Variants in GUSB observed in about 807,000 individuals in gnomAD.
The protein encoded by GUSB is glucuronidase beta.
Under a neutral mutation model 74.6 loss-of-function variants are expected in GUSB, and 51 were observed. The observed-to-expected ratio is 0.68, with a 90% CI of 0.55 to 0.86. The LOEUF (loss-of-function observed/expected upper bound fraction) is 0.86, where lower values mean the gene tolerates loss of function less well. GUSB is among the 40% of genes least tolerant of loss of function. The pLI is 0.00. For synonymous variants in GUSB, 360 were observed against 348.3 expected (o/e 1.03, Z -0.37); for missense variants, 736 against 853.7 (o/e 0.86, Z 1.72).
At chr7:65,961,916 C>T (rs181191704) in intron 11 of GUSB, among the ~76,000 whole-genome samples, 2 of 151,828 alleles carry the variant, frequency 1.3e-5, no homozygotes, top group Admixed American at 6.6e-5. Context: ...GCAGGAGAAT[C>T]GCTTGAACCC....
At position 65,974,987 on chromosome 7, in the gene GUSB, T is replaced by A; in HGVS notation, c.997A>T (p.Lys333Ter). Residue 333 changes from lysine to a stop codon, truncating the protein, a stop_gained, in exon 6 of 12, where the codon AAG becomes TAG. Transcript: ENST00000304895. LOFTEE classifies it high-confidence loss of function. ...TTCCCATTGATGAGGAACTGGCTCT[T>A]GGTGACAGCCACAGTGCGGATCCCC... is the stretch of plus-strand genomic sequence containing the variant. ...PVGIRTVAVT[K>*]SQFLINGKPF... The A allele has an allele frequency of 6.2e-7, 1 of 1,613,522 alleles. No homozygotes were observed. The highest frequency in any genetic ancestry group is 8.5e-7 in the Non-Finnish European group (1 of 1,179,492).
rs1250664552 is a variant in GUSB, at chr7:65,979,758, C to G, written c.550G>C (p.Gly184Arg). The part of the protein sequence containing the change: ...NTLTPTTLPP[G>R]TIQYLTDTSK... Reference sequence around the variant, plus strand: ...GTGTCAGTCAGGTATTGGATGGTCCCTGGTGGCAGGGTGGTGGGGGTGAGT... The same window carrying G: ...GTGTCAGTCAGGTATTGGATGGTCCGTGGTGGCAGGGTGGTGGGGGTGAGT... Residue 184 changes from glycine to arginine, a missense_variant, in exon 3 of 12, where the codon GGG (glycine) becomes CGG (arginine). Around this residue, in one of 2 missense-constraint regions of GUSB, gnomAD observed 368 missense variants for 363.8 expected, o/e 1.01. Coordinates refer to ENST00000304895, the MANE Select transcript of GUSB (RefSeq NM_000181.4). 1 of 1,613,836 alleles carries G rather than the reference C, an allele frequency of 6.2e-7. No individual in the cohort carries two copies. The highest frequency in any genetic ancestry group is 8.5e-7 in the Non-Finnish European group (1 of 1,180,012).
chr7:65,981,765 T>C, intron 1 of GUSB: 1 of 540,362 alleles, frequency 1.9e-6, no homozygotes, highest in Admixed American at 3.3e-5. Flanking sequence ...GGCAAGAGCC[T>C]TTTCTCCTCC....
intron 1 of GUSB, 30 bp downstream of exon 1, chr7:65,981,944 G>T: frequency 1.3e-6 from 2 of 1,576,284 alleles, no homozygotes. Flanking sequence ...GGGCTTTCGG[G>T]CGCCTCCCGG....
chr7:65,981,082 C>T (rs1454730448), intron 1 of GUSB, among the ~76,000 whole-genome samples: 1 of 152,116 alleles, frequency 6.6e-6, no homozygotes, highest in East Asian at 1.9e-4. Flanking sequence ...GCAGTGCATG[C>T]CGCTGTGGCC....
At chr7:65,966,389 G>A (rs777032710) in intron 10 of GUSB, among the ~76,000 whole-genome samples, 12 of 152,006 alleles carry the variant, frequency 7.9e-5, no homozygotes, top group Non-Finnish European at 1.3e-4. Context: ...GCTGGCTGGG[G>A]TGGGAATGAG....
rs747403896 is a variant in GUSB, at chr7:65,979,499, A to G, written c.624T>C (p.Phe208=). 1.2e-6 allele frequency: 2 copies of G among 1,614,106 alleles called. No homozygotes were observed. Among genetic ancestry groups the G allele is most frequent in the Non-Finnish European group, 1.7e-6 (2 of 1,179,978 alleles). ...ACCGCTGCAGTCCAGCGTAGTTGAA[A>G]AAGTCAAAATATGTGTTCTGGACAA... ...GYFVQNTYFD[F]FNYAGLQRSV... The change falls in exon 4 of 12, where the codon TTT becomes TTC. Residue 208 remains phenylalanine, a synonymous_variant. Transcript: ENST00000304895.
At chr7:65,961,167 T>G in intron 11 of GUSB, 104 bp from the exon 12 acceptor site, 1 of 1,127,818 alleles carries the variant, frequency 8.9e-7, no homozygotes, top group Non-Finnish European at 1.3e-6. Context: ...AATGTCTTTT[T>G]TTTTCTTTTT....
chr7:65,980,118 C>T, intron 2 of GUSB, 106 bp downstream of exon 2: 4 of 1,195,782 alleles, frequency 3.3e-6, no homozygotes, highest in Middle Eastern at 2.7e-4. Context: ...GCAGGACCCC[C>T]CACCATCCCA....
In GUSB at chr7:65,974,561, G is replaced by T; in HGVS notation, c.1209C>A (p.Val403=). 6.2e-7 allele frequency: 1 copy of T among 1,614,192 alleles called. No homozygotes were observed. The highest frequency in any genetic ancestry group is 1.1e-5 in the South Asian group (1 of 91,072). The part of the protein sequence containing the change: ...MQMCDRYGIV[V]IDECPGVGLA... ...GGCCCACGCCGGGACACTCATCGATGACCACAATCCCATAGCGGTCACACA... is the reference window on the plus strand; with the variant it reads ...GGCCCACGCCGGGACACTCATCGATTACCACAATCCCATAGCGGTCACACA... The change falls in exon 7 of 12, where the codon GTC becomes GTA. Residue 403 remains valine (V), a synonymous_variant. Transcript: ENST00000304895.
In GUSB at chr7:65,980,270, G is replaced by C; in HGVS notation, c.350C>G (p.Thr117Arg). Reference sequence around the variant, plus strand: ...ACTGCCAATCCTCAGCACCACTCTTGTGCGCAGGTCCTGGGTCCATCGCTC... The same window carrying C: ...ACTGCCAATCCTCAGCACCACTCTTCTGCGCAGGTCCTGGGTCCATCGCTC... ...LPERWTQDLRTRVVLRIGSAH... is the reference protein window; with the variant it reads ...LPERWTQDLRRRVVLRIGSAH... The change falls in exon 2 of 12, where the codon ACA becomes AGA. Residue 117 changes from threonine (T) to arginine (R), a missense_variant. Thr to Arg is a moderately conservative substitution (Grantham distance 71). Around this residue, in one of 2 missense-constraint regions of GUSB, gnomAD observed 368 missense variants for 363.8 expected, o/e 1.01. Coordinates refer to ENST00000304895, the MANE Select transcript of GUSB (RefSeq NM_000181.4). The C allele has an allele frequency of 1.3e-6, 2 of 1,550,478 alleles. No homozygotes were observed. Among genetic ancestry groups the C allele is most frequent in the Non-Finnish European group, 1.7e-6 (2 of 1,145,112 alleles).
chr7:65,961,103 C>T, intron 11 of GUSB, 40 bp from the exon 12 acceptor site: 1 of 1,580,870 alleles, frequency 6.3e-7, no homozygotes, highest in East Asian at 2.2e-5. Flanking sequence ...ATTCAGATGT[C>T]TTCTGATGGG....
rs1791478840 is a variant in GUSB, at chr7:65,975,074, A to G, written c.913-3T>C. ...GACGTCTGTGCAGTCAGCTGCACCT[A>G]TGACAGCCAAAGCACCAGGTGTGAG... On this transcript the variant is annotated splice_region_variant and splice_polypyrimidine_tract_variant and intron_variant, in intron 5 of 11. Transcript: ENST00000304895. 6.2e-7 allele frequency: 1 copy of G among 1,612,952 alleles called. No individual in the cohort carries two copies. Among genetic ancestry groups the G allele is most frequent in the Admixed American group, 1.7e-5 (1 of 59,986 alleles).
At chr7:65,975,185 G>T in intron 5 of GUSB, 114 bp from the exon 6 acceptor site, 1 of 872,404 alleles carries the variant, frequency 1.1e-6, no homozygotes, top group Non-Finnish European at 1.9e-6. Flanking sequence ...GGGCCTGTAA[G>T]CAGAGATGCA....
chr7:65,961,024 G>A lies in GUSB; in HGVS notation c.1829C>T (p.Thr610Ile). 2 of 1,612,672 alleles carry A rather than the reference G, an allele frequency of 1.2e-6. No homozygotes were observed. Among genetic ancestry groups the A allele is most frequent in the East Asian group, 2.2e-5 (1 of 44,840 alleles). The change falls in exon 12 of 12, where the codon ACT becomes ATT. Residue 610 changes from threonine to isoleucine, a missense_variant. Physicochemically the swap from Thr to Ile is moderately conservative, Grantham distance 89 (BLOSUM62 -1). Transcript: ENST00000304895. ...RVLGNKKGIF[T>I]RQRQPKSAAF... is the part of the protein sequence containing the mutation. ...TGCACTTTTTGGTTGTCTCTGCCGA[G>A]TGAAGATCCCCTTTTTATTCCCCAG...
intron 4 of GUSB, among the ~76,000 whole-genome samples, chr7:65,977,808 A>AT (rs918615333): frequency 2.6e-5 from 4 of 151,410 alleles, no homozygotes; most frequent in East Asian, 1.9e-4. Flanking sequence ...ATATATATAT[A>AT]TTTTTTTATT....
intron 8 of GUSB, among the ~76,000 whole-genome samples, chr7:65,973,980 C>T (rs1302697120): frequency 2.0e-5 from 3 of 151,552 alleles, no homozygotes; most frequent in African/African-American, 7.3e-5. Flanking sequence ...GCCTGTAATC[C>T]TAGCTACTCA....
At chr7:65,975,478 G>C (rs1791506913) in intron 5 of GUSB, 1 of 272,194 alleles carries the variant, frequency 3.7e-6, no homozygotes, top group African/African-American at 2.2e-5. Context: ...TCTGCCTCCT[G>C]AGTTCAAGCA....
rs1467663759 is a variant in GUSB at position 65,979,813 on chromosome 7, C to A, written c.495G>T (p.Arg165=). The A allele has an allele frequency of 6.2e-7, 1 of 1,613,620 alleles. No homozygotes were observed. Among genetic ancestry groups the A allele is most frequent in the Non-Finnish European group, 8.5e-7 (1 of 1,179,992 alleles). The change falls in exon 3 of 12, where the codon CGG becomes CGT. Residue 165 remains arginine, a synonymous_variant. Transcript: ENST00000304895. ...TGTTGATGGCGATAGTGATTCGGAG[C>A]CGGGAGGGCAGGGGCCCCACCTGGA... ...NLVQVGPLPS[R]LRITIAINNT...
Sources: gnomAD v4.1 joint callset for allele counts (sites outside exome capture counted in the v4.1 genomes callset) on GRCh38, gnomAD v4.1.1 for gene constraint, gnomAD v4.1.1 regional missense constraint, MANE v1.5 for transcripts, NCBI Gene and HGNC (gene_info 2026-07-23, HGNC 2026-07-21) for gene names.